RANBP2: variants seen among roughly 807,000 people sequenced by gnomAD.
The protein encoded by RANBP2 is E3 SUMO-protein ligase RanBP2.
In RANBP2, 57 loss-of-function variants were observed where a neutral mutation model predicts 303.6. The ratio of observed to expected loss-of-function variants is 0.19; its 90% confidence interval spans 0.15 to 0.23. The LOEUF (loss-of-function observed/expected upper bound fraction) is 0.23. Ranked by LOEUF, RANBP2 falls within the 10% of genes least tolerant of loss-of-function variation. The pLI is 1.00. For missense variants in RANBP2, 3,138 were observed against 3,780.8 expected (o/e 0.83, Z 4.46); for synonymous variants, 1,167 against 1,301.5 (o/e 0.90, Z 2.23).
chr2:108,996,461 A>G, the RANBP2 span, among the ~76,000 whole-genome samples: 1 of 152,238 alleles, frequency 6.6e-6, no homozygotes, highest in African/African-American at 2.4e-5. Context: ...AAGGCTCCAG[A>G]TAGGTGAGTG....
the RANBP2 span, among the ~76,000 whole-genome samples, chr2:109,204,257 T>C: frequency 3.3e-5 from 5 of 152,248 alleles, no homozygotes; most frequent in African/African-American, 4.8e-5. Flanking sequence ...ACTTTGCTTA[T>C]GCCCTGTTGC....
chr2:109,717,527 A>G, the RANBP2 span, among the ~76,000 whole-genome samples: 11 of 151,790 alleles, frequency 7.2e-5, no homozygotes, highest in Admixed American at 7.2e-4. Context: ...GGTGGCAGTG[A>G]GCTGAGATCT....
At chr2:109,373,140 G>A in the RANBP2 span, among the ~76,000 whole-genome samples, 1 of 152,270 alleles carries the variant, frequency 6.6e-6, no homozygotes, top group East Asian at 1.9e-4. Context: ...ACACTCTCCT[G>A]TAAGATTCAC....
chr2:109,233,419 T>C, the RANBP2 span, among the ~76,000 whole-genome samples: 1 of 152,254 alleles, frequency 6.6e-6, no homozygotes, highest in African/African-American at 2.4e-5. Context: ...CCTTTCAATG[T>C]TCAGACACTT....
chr2:108,992,330 G>C, the RANBP2 span, among the ~76,000 whole-genome samples: 1 of 152,292 alleles, frequency 6.6e-6, no homozygotes, highest in African/African-American at 2.4e-5. Flanking sequence ...TGCTCTGTTT[G>C]GGGAGGCATA....
chr2:109,165,313 G>A, the RANBP2 span, among the ~76,000 whole-genome samples: 2 of 152,146 alleles, frequency 1.3e-5, no homozygotes, highest in African/African-American at 2.4e-5. Flanking sequence ...CACTGTTTGC[G>A]TTTTCTCATT....
At chr2:108,743,614 T>G (rs1396567625) in intron 7 of RANBP2, among the ~76,000 whole-genome samples, 2 of 152,246 alleles carry the variant, frequency 1.3e-5, no homozygotes, top group Non-Finnish European at 2.9e-5. Context: ...GTTTCCCTCT[T>G]AATCCATTCA....
chr2:109,707,534 T>C, the RANBP2 span, among the ~76,000 whole-genome samples: 85,269 of 152,162 alleles, frequency 0.56, 26,806 homozygotes, highest in South Asian at 0.7. Context: ...CAATTCTGTA[T>C]TCATAGGTAC....
At chr2:108,863,237 A>G in the RANBP2 span, among the ~76,000 whole-genome samples, 4 of 152,214 alleles carry the variant, frequency 2.6e-5, no homozygotes, top group Non-Finnish European at 5.9e-5. Context: ...GATAATTTCA[A>G]TGAAATTATA....
At chr2:109,411,780 C>T in the RANBP2 span, among the ~76,000 whole-genome samples, 1 of 152,204 alleles carries the variant, frequency 6.6e-6, no homozygotes, top group African/African-American at 2.4e-5. Flanking sequence ...TTCATCTTGA[C>T]CTTTGGGAAA....
chr2:109,616,185 C>G, the RANBP2 span: 5 of 1,373,562 alleles, frequency 3.6e-6, no homozygotes, highest in Non-Finnish European at 4.7e-6. Flanking sequence ...CTTGAGGGAT[C>G]GGAATGGATG....
At chr2:109,185,886 C>T in the RANBP2 span, among the ~76,000 whole-genome samples, 56 of 152,348 alleles carry the variant, frequency 3.7e-4, no homozygotes, top group African/African-American at 1.3e-3. Context: ...GGGGCCAAGT[C>T]GGGTGGTGTG....
At chr2:109,140,641 A>C in the RANBP2 span, among the ~76,000 whole-genome samples, 1 of 152,266 alleles carries the variant, frequency 6.6e-6, no homozygotes, top group Admixed American at 6.5e-5. Context: ...TCAGCCTCCC[A>C]AAGTGCTGGG....
At chr2:109,613,401 G>A in the RANBP2 span, 11 of 327,280 alleles carry the variant, frequency 3.4e-5, no homozygotes, top group Non-Finnish European at 5.5e-5. Flanking sequence ...CCGGCGGCAG[G>A]GAGGCTCGGA....
At chr2:108,731,175 C>T (rs1318894517) in intron 3 of RANBP2, 147 bp from the exon 4 acceptor site, 7 of 1,364,858 alleles carry the variant, frequency 5.1e-6, no homozygotes, top group Non-Finnish European at 6.8e-6. Context: ...TTTATTTTAA[C>T]ACCTTTGAAG....
chr2:108,737,906 G>A (rs1426150922), intron 6 of RANBP2, among the ~76,000 whole-genome samples: 1 of 151,550 alleles, frequency 6.6e-6, no homozygotes, highest in Admixed American at 6.6e-5. Context: ...AGTAGAGACG[G>A]GGTTTCACCG....
At chr2:109,579,583 A>C in the RANBP2 span, among the ~76,000 whole-genome samples, 2 of 151,498 alleles carry the variant, frequency 1.3e-5, no homozygotes, top group Non-Finnish European at 2.9e-5. Context: ...GGGTTTCACC[A>C]TGCTGGTCAG....
At chr2:108,825,906 T>G in the RANBP2 span, among the ~76,000 whole-genome samples, 1 of 152,216 alleles carries the variant, frequency 6.6e-6, no homozygotes, top group African/African-American at 2.4e-5. Flanking sequence ...TTTCGATTTC[T>G]TTATATCATG....
chr2:109,042,646 G>T, the RANBP2 span, among the ~76,000 whole-genome samples: 1 of 152,268 alleles, frequency 6.6e-6, no homozygotes, highest in Non-Finnish European at 1.5e-5. Context: ...TGTCTATGTT[G>T]TTAGCTCTCC....
Sources: allele counts gnomAD v4.1 joint callset (sites outside exome capture counted in the v4.1 genomes callset), GRCh38; gene constraint gnomAD v4.1.1; transcripts MANE v1.5; gene names NCBI Gene and HGNC (gene_info 2026-07-23, HGNC 2026-07-21).